The following THSD7A variants were observed in gnomAD, a reference collection of about 807,000 sequenced individuals.
The protein encoded by THSD7A is thrombospondin type-1 domain-containing protein 7A.
THSD7A carries 96 observed loss-of-function variants against 231.3 expected under a neutral mutation model. The ratio of observed to expected loss-of-function variants is 0.41; its 90% CI spans 0.35 to 0.49. THSD7A has a LOEUF of 0.49. THSD7A is among the 20% of genes least tolerant of loss of function. THSD7A has a pLI of 0.05. For synonymous variants in THSD7A, 940 were observed against 743.3 expected, an observed-to-expected ratio of 1.26 and a Z score of -4.30; for missense variants, 2,290 against 2,070.2, an observed-to-expected ratio of 1.11 and a Z score of -2.06.
chr7:11,812,736 G>T, intron 1 of THSD7A, among the ~76,000 whole-genome samples: 1 of 152,034 alleles, frequency 6.6e-6, no homozygotes, highest in East Asian at 1.9e-4. Flanking sequence ...CCTGACCTTG[G>T]CTTCTTCAAT....
At position 11,411,050 on chromosome 7, in the gene THSD7A, A is replaced by T. The variant is rs898280811; in HGVS notation, c.3798+157T>A. Among the ~76,000 whole-genome samples the T allele has an allele frequency of 7.9e-5, 12 of 152,062 alleles. No individual in the cohort carries two copies. Among genetic ancestry groups the T allele is most frequent in the African/African-American group, 2.2e-4 (9 of 41,412 alleles). ...TATATGTAGGAATCAGTAGTGTTGG[A>T]CATTGTGTCTTTTCAAGAACATACT... On this transcript the variant is annotated intron_variant, in intron 19 of 27. Transcript: ENST00000423059. This position sits in a 1 kb window ranked among gnomAD's most constrained non-coding sequence, Gnocchi z 4.1.
At chr7:11,398,061 A>T (rs1783257152) in intron 23 of THSD7A, among the ~76,000 whole-genome samples, 1 of 152,208 alleles carries the variant, frequency 6.6e-6, no homozygotes, top group Non-Finnish European at 1.5e-5. Flanking sequence ...ATTATAAATC[A>T]TTCTATTATA....
intron 4 of THSD7A, among the ~76,000 whole-genome samples, chr7:11,543,500 G>A (rs1164757699): frequency 6.6e-6 from 1 of 152,078 alleles, no homozygotes; most frequent in African/African-American, 2.4e-5. Context: ...AAAATAGGAG[G>A]GGGACTATAG....
chr7:11,770,683 T>C (rs1031411313), intron 1 of THSD7A, among the ~76,000 whole-genome samples: 3 of 152,178 alleles, frequency 2.0e-5, no homozygotes, highest in Non-Finnish European at 2.9e-5. Context: ...GATTGTGTGA[T>C]TTAAATTATT....
rs986615716 is a variant in THSD7A, at chr7:11,382,785, A to G, written c.4412-169T>C. ...CATGCATATGTTTAAAATTGCAGCT[A>G]TATACCTCAATCCCAACTAATTTTC... is the stretch of plus-strand genomic sequence containing the variant. On this transcript the variant is annotated intron_variant, in intron 23 of 27. Coordinates refer to ENST00000423059, the MANE Select transcript of THSD7A (RefSeq NM_015204.3). Among the ~76,000 whole-genome samples the G allele has an allele frequency of 2.6e-5, 4 of 152,044 alleles. No homozygotes were observed. The East Asian group carries it at 7.7e-4, about 29-fold the overall frequency.
intron 23 of THSD7A, among the ~76,000 whole-genome samples, chr7:11,382,924 T>TATATA (rs1782579199): frequency 1.2e-4 from 17 of 147,460 alleles, no homozygotes; most frequent in African/African-American, 4.0e-4. Context: ...ATATATATAG[T>TATATA]TATATATATA....
At position 11,821,324 on chromosome 7, in the gene THSD7A, T is replaced by C; in HGVS notation, c.190+10433A>G. The C allele has an allele frequency of 5.3e-6, 4 of 759,750 alleles. 1 individual carries two copies. The South Asian group carries it at 5.5e-5, about 10-fold the overall frequency. The allele number at this position is 759,750 out of a possible 1,614,324, so 47.1% of individuals were successfully genotyped here. On this transcript the variant is annotated intron_variant, in intron 1 of 27. Transcript: ENST00000423059. The stretch of plus-strand genomic sequence containing the variant: ...TGGAAACCAACAGTTTTGTTCTTAA[T>C]TTCATTTCATTTGGAGCTAAGAGGA...
chr7:11,792,638 G>C (rs1455867386), intron 1 of THSD7A, among the ~76,000 whole-genome samples: 1 of 151,946 alleles, frequency 6.6e-6, no homozygotes, highest in Non-Finnish European at 1.5e-5. Context: ...TGATGAAGAT[G>C]TAATTCCAGT....
chr7:11,549,496 C>T (rs2128325551), intron 4 of THSD7A, among the ~76,000 whole-genome samples: 1 of 152,186 alleles, frequency 6.6e-6, no homozygotes, highest in Non-Finnish European at 1.5e-5. Context: ...CATTGCAGCA[C>T]TATTCACAAT....
chr7:11,415,013 C>G (rs776939112), intron 17 of THSD7A, among the ~76,000 whole-genome samples: 1 of 152,168 alleles, frequency 6.6e-6, no homozygotes, highest in Non-Finnish European at 1.5e-5. Flanking sequence ...TTTAGGCTAA[C>G]GCTGCCTCCT....
rs937488574 is a variant in THSD7A, at chr7:11,372,822, A to C, written c.*2972T>G. 2.6e-5 allele frequency: 4 copies of C among 152,070 alleles called. No homozygotes were observed. Among genetic ancestry groups the C allele is most frequent in the Admixed American group, 1.3e-4 (2 of 15,238 alleles). 9.4% of individuals were successfully genotyped at this position (152,070 alleles called of 1,614,324 possible). On this transcript the variant is annotated 3_prime_UTR_variant, in exon 28 of 28. Transcript: ENST00000423059. ...TAAGGTTTTGATGAAATTCCAATAA[A>C]ATATTTAACTCATTATTGTCTCATG... is the stretch of plus-strand genomic sequence containing the variant.
At chr7:11,804,269 G>A (rs1033669516) in intron 1 of THSD7A, among the ~76,000 whole-genome samples, 2 of 151,892 alleles carry the variant, frequency 1.3e-5, no homozygotes, top group African/African-American at 4.8e-5. Flanking sequence ...TTTAGACATA[G>A]CATTACATTA....
chr7:11,769,027 G>A (rs1202323887), intron 1 of THSD7A, among the ~76,000 whole-genome samples: 1 of 144,552 alleles, frequency 6.9e-6, no homozygotes, highest in African/African-American at 2.5e-5. Flanking sequence ...GTGCGATCTC[G>A]GCTCACTGCA....
At chr7:11,683,909 G>C (rs1447223114) in intron 1 of THSD7A, among the ~76,000 whole-genome samples, 1 of 151,620 alleles carries the variant, frequency 6.6e-6, no homozygotes, top group Non-Finnish European at 1.5e-5. Flanking sequence ...ATCTAGCAAA[G>C]ACACAATAAC....
intron 4 of THSD7A, among the ~76,000 whole-genome samples, chr7:11,544,939 C>T (rs995141279): frequency 6.6e-6 from 1 of 151,972 alleles, no homozygotes; most frequent in Non-Finnish European, 1.5e-5. Flanking sequence ...TGCATCACAA[C>T]AGCAGCCGAA....
chr7:11,712,679 T>G (rs1781006917), intron 1 of THSD7A, among the ~76,000 whole-genome samples: 1 of 151,102 alleles, frequency 6.6e-6, no homozygotes, highest in African/African-American at 2.4e-5. Flanking sequence ...CAACCTTAGA[T>G]TCTACATTTA....
intron 1 of THSD7A, among the ~76,000 whole-genome samples, chr7:11,714,386 A>G (rs1025013850): frequency 6.6e-6 from 1 of 151,164 alleles, no homozygotes; most frequent in African/African-American, 2.4e-5. Context: ...ATTATGAATC[A>G]TATGTATTTT....
At chr7:11,627,481 T>G (rs1252024690) in intron 2 of THSD7A, among the ~76,000 whole-genome samples, 1 of 152,060 alleles carries the variant, frequency 6.6e-6, no homozygotes, top group African/African-American at 2.4e-5. Flanking sequence ...TGAGAAAACC[T>G]TCAATATTTA....
At chr7:11,726,594 A>C (rs1781556175) in intron 1 of THSD7A, among the ~76,000 whole-genome samples, 1 of 151,932 alleles carries the variant, frequency 6.6e-6, no homozygotes, top group Admixed American at 6.6e-5. Context: ...CATTAACTTG[A>C]TTGAGGTGGA....
Sources: gnomAD v4.1 joint callset for allele counts (sites outside exome capture counted in the v4.1 genomes callset) on GRCh38, gnomAD v4.1.1 for gene constraint, Gnocchi (gnomAD v3.1) non-coding constraint, MANE v1.5 for transcripts, NCBI Gene and HGNC (gene_info 2026-07-23, HGNC 2026-07-21) for gene names.